PCGF3: variants seen among roughly 807,000 people sequenced by gnomAD.
PCGF3 encodes the protein polycomb group ring finger 3, also known as polycomb group RING finger protein 3.
A neutral mutation model predicts 33.1 loss-of-function variants in PCGF3; 7 were observed. That is an observed-to-expected ratio of 0.21 (90% confidence interval 0.12 to 0.40). PCGF3 has a LOEUF of 0.40. Ranked by LOEUF, PCGF3 falls within the 10% of genes least tolerant of loss-of-function variation. The pLI is 1.00. For synonymous variants in PCGF3, 153 were observed against 121.3 expected (o/e 1.26, Z -1.72); for missense variants, 211 against 313.3 (o/e 0.67, Z 2.46).
chr4:765,450 G>C (rs1021686989), intron 10 of PCGF3, among the ~76,000 whole-genome samples: 1 of 149,890 alleles, frequency 6.7e-6, no homozygotes, highest in African/African-American at 2.5e-5. Flanking sequence ...AAAAAAAAGT[G>C]ATGACTCAGC....
chr4:733,287 C>G (rs563696413), intron 3 of PCGF3, among the ~76,000 whole-genome samples: 76 of 152,362 alleles, frequency 5.0e-4, no homozygotes, highest in Non-Finnish European at 9.4e-4. Context: ...TCATCCCACC[C>G]GGCAGCTCTG....
chr4:742,059 G>A (rs1055677797), intron 6 of PCGF3, among the ~76,000 whole-genome samples: 1 of 151,892 alleles, frequency 6.6e-6, no homozygotes, highest in African/African-American at 2.4e-5. Context: ...CCCTTGTGAG[G>A]CTCCAGCACT....
At chr4:766,199 A>G in exon 11 of PCGF3, 2 of 750,682 alleles carry the variant, frequency 2.7e-6, no homozygotes, top group Non-Finnish European at 4.4e-6. Context: ...GAGAATATTT[A>G]TAACTTTTGT....
intron 8 of PCGF3, among the ~76,000 whole-genome samples, chr4:748,153 G>C (rs1476834198): frequency 1.3e-5 from 2 of 152,170 alleles, no homozygotes; most frequent in East Asian, 1.9e-4. Context: ...CACGGTCACA[G>C]AGATGCAGTA....
At chr4:747,800 A>G (rs74218125) in intron 8 of PCGF3, among the ~76,000 whole-genome samples, 6,115 of 152,198 alleles carry the variant, frequency 0.04, 160 homozygotes, top group East Asian at 0.094. Context: ...CACACCAGAA[A>G]CCTTCCCTGG....
exon 11 of PCGF3, chr4:768,567 C>T (rs528577167): frequency 3.9e-5 from 6 of 152,158 alleles, no homozygotes; most frequent in African/African-American, 1.4e-4. Context: ...CCTTATGCGT[C>T]GTTTTCAACA....
intron 6 of PCGF3, among the ~76,000 whole-genome samples, chr4:739,744 T>C (rs1028454674): frequency 6.6e-5 from 10 of 152,150 alleles, no homozygotes; most frequent in Non-Finnish European, 1.3e-4. Flanking sequence ...TTAGTTGGAG[T>C]GTGCGTCCAG....
At chr4:743,381 A>C (rs553777504) in intron 6 of PCGF3, 93 bp from the exon 7 acceptor site, 9 of 736,974 alleles carry the variant, frequency 1.2e-5, no homozygotes, top group Non-Finnish European at 2.1e-5. Flanking sequence ...TCATAATGCA[A>C]ATCCCTAATT....
In PCGF3 at chr4:720,644, G is replaced by A. The variant is rs1743037515; in HGVS notation, c.-189-9986G>A. On this transcript the variant is annotated intron_variant, in intron 1 of 10. Transcript: ENST00000362003. This position sits in a 1 kb window ranked among gnomAD's most constrained non-coding sequence, Gnocchi z 5.6. ...GGGCGGTGACGTGCGTGTGGACCCG[G>A]GGTGGACGGGCGGTGACGTGCGTGT... is the stretch of plus-strand genomic sequence containing the variant. 6.6e-6 allele frequency among the ~76,000 whole-genome samples: 1 copy of A among 151,420 alleles called. No individual in the cohort carries two copies. Among genetic ancestry groups the A allele is most frequent in the South Asian group, 2.1e-4 (1 of 4,768 alleles).
At chr4:752,096 T>C (rs1304537435) in intron 8 of PCGF3, among the ~76,000 whole-genome samples, 3 of 152,248 alleles carry the variant, frequency 2.0e-5, no homozygotes, top group Non-Finnish European at 4.4e-5. Context: ...AGGGAGGGGA[T>C]GGGGATCCTC....
At chr4:753,459 C>G (rs1176002146) in intron 8 of PCGF3, among the ~76,000 whole-genome samples, 1 of 151,682 alleles carries the variant, frequency 6.6e-6, no homozygotes, top group Admixed American at 6.6e-5. Flanking sequence ...TCAAGACCAT[C>G]CTGGCTAGCA....
At chr4:768,262 G>A (rs1419603739) in exon 11 of PCGF3, 1 of 152,666 alleles carries the variant, frequency 6.6e-6, no homozygotes, top group Non-Finnish European at 1.5e-5. Context: ...CGTGCAGACA[G>A]TCTTCACTAC....
chr4:723,186 G>A (rs929641749), intron 1 of PCGF3, among the ~76,000 whole-genome samples: 5 of 152,192 alleles, frequency 3.3e-5, no homozygotes, highest in African/African-American at 4.8e-5. Flanking sequence ...CGCCATCCGC[G>A]CGGGGATGTG....
chr4:763,589 G>A (rs548683354), intron 9 of PCGF3, among the ~76,000 whole-genome samples: 17 of 152,346 alleles, frequency 1.1e-4, no homozygotes, highest in African/African-American at 4.1e-4. Flanking sequence ...TTCGGGAAAC[G>A]CCGGGAGCGC....
intron 9 of PCGF3, among the ~76,000 whole-genome samples, chr4:764,316 G>A (rs973651745): frequency 1.3e-5 from 2 of 152,186 alleles, no homozygotes; most frequent in African/African-American, 4.8e-5. Flanking sequence ...AAAGACTGGG[G>A]AGCCTAGTGC....
chr4:711,751 C>T (rs1742580497), intron 1 of PCGF3, among the ~76,000 whole-genome samples: 1 of 151,698 alleles, frequency 6.6e-6, no homozygotes, highest in Non-Finnish European at 1.5e-5. Flanking sequence ...GCCACCGCAC[C>T]CGGCCGAAAA....
At chr4:768,001 A>C (rs191240491) in exon 11 of PCGF3, 21 of 152,840 alleles carry the variant, frequency 1.4e-4, no homozygotes, top group Non-Finnish European at 2.4e-4. Flanking sequence ...CTCCAAATTC[A>C]AATAAAATTA....
intron 1 of PCGF3, among the ~76,000 whole-genome samples, chr4:729,980 C>T (rs1231530327): frequency 6.6e-6 from 1 of 152,138 alleles, no homozygotes; most frequent in Non-Finnish European, 1.5e-5. Flanking sequence ...GATGCCCCAT[C>T]CCAGACGCAG....
At chr4:744,616 C>A in exon 8 of PCGF3, 2 of 1,558,460 alleles carry the variant, frequency 1.3e-6, no homozygotes, top group Non-Finnish European at 8.7e-7. Context: ...CCAAAGCAGA[C>A]GACAGTTCAA....
Sources: gnomAD v4.1 joint callset for allele counts (sites outside exome capture counted in the v4.1 genomes callset) on GRCh38, gnomAD v4.1.1 for gene constraint, Gnocchi (gnomAD v3.1) non-coding constraint, MANE v1.5 for transcripts, NCBI Gene and HGNC (gene_info 2026-07-23, HGNC 2026-07-21) for gene names.